TPST2: variants seen among roughly 807,000 people sequenced by gnomAD.
The protein encoded by TPST2 is protein-tyrosine sulfotransferase 2.
In TPST2, 16 loss-of-function variants were observed where a neutral mutation model predicts 27.8. That is an observed-to-expected ratio of 0.58 (90% CI 0.39 to 0.88). The LOEUF (loss-of-function observed/expected upper bound fraction) is 0.88, where lower values mean the gene tolerates loss of function less well. Among genes scored for constraint, TPST2 ranks in the 40% least tolerant of loss-of-function variants. The probability of loss-of-function intolerance (pLI) is 0.00; values close to 1 mark genes in which losing one functional copy is unlikely to be tolerated. For missense variants in TPST2, 464 were observed against 543.1 expected (o/e 0.85, Z 1.45); for synonymous variants, 229 against 231.7 (o/e 0.99, Z 0.10).
intron 1 of TPST2, among the ~76,000 whole-genome samples, chr22:26,546,244 G>A (rs1275268267): frequency 6.6e-6 from 1 of 152,050 alleles, no homozygotes; most frequent in Non-Finnish European, 1.5e-5. Context: ...AGGCCAATTA[G>A]GACATCTAAA....
intron 5 of TPST2, 51 bp downstream of exon 5, chr22:26,532,644 G>GT: frequency 6.4e-7 from 1 of 1,573,952 alleles, no homozygotes; most frequent in Non-Finnish European, 8.7e-7. Flanking sequence ...CAGCCAGATG[G>GT]TGGTATAGCT....
At chr22:26,558,120 TACACAC>T (rs71192941) in intron 1 of TPST2, among the ~76,000 whole-genome samples, 3,387 of 141,366 alleles carry the variant, frequency 0.024, 129 homozygotes, top group African/African-American at 0.076. Flanking sequence ...ATATATATAA[TACACAC>T]ACACACACAC....
intron 1 of TPST2, among the ~76,000 whole-genome samples, chr22:26,577,119 T>G (rs955386881): frequency 1.8e-5 from 2 of 110,298 alleles, no homozygotes; most frequent in African/African-American, 6.8e-5. Context: ...AAAAAGAAAA[T>G]TAAATTAGCC....
At chr22:26,532,936 A>G (rs948638987) in intron 4 of TPST2, among the ~76,000 whole-genome samples, 191 bp from the exon 5 acceptor site, 7 of 152,210 alleles carry the variant, frequency 4.6e-5, no homozygotes, top group Admixed American at 3.3e-4. Flanking sequence ...CATGATGTTA[A>G]CCAGATAATG....
At chr22:26,532,468 A>G (rs988374438) in intron 5 of TPST2, among the ~76,000 whole-genome samples, 1 of 152,062 alleles carries the variant, frequency 6.6e-6, no homozygotes. Context: ...TTTAGTAGAG[A>G]CGGGGTTTCA....
chr22:26,536,149 C>G, intron 4 of TPST2, 139 bp downstream of exon 4: 1 of 1,151,676 alleles, frequency 8.7e-7, no homozygotes, highest in Non-Finnish European at 1.3e-6. Context: ...ATGTAGTTCA[C>G]TGTGTCCATC....
chr22:26,562,272 T>C (rs1012665959), intron 1 of TPST2, among the ~76,000 whole-genome samples: 1 of 152,220 alleles, frequency 6.6e-6, no homozygotes, highest in Non-Finnish European at 1.5e-5. Flanking sequence ...GAAGGACTTA[T>C]CTGCTTCTGT....
chr22:26,544,040 T>C (rs1322850817), intron 2 of TPST2, among the ~76,000 whole-genome samples: 2 of 152,204 alleles, frequency 1.3e-5, no homozygotes, highest in Admixed American at 6.5e-5. Context: ...GTGAGGATGA[T>C]AGGTGAGGGC....
chr22:26,589,048 A>G (rs934809275), intron 1 of TPST2, among the ~76,000 whole-genome samples: 5 of 152,100 alleles, frequency 3.3e-5, no homozygotes, highest in African/African-American at 1.2e-4. Flanking sequence ...CTTCTGTAGG[A>G]TAAGTAGGAG....
At chr22:26,562,649 A>T in intron 1 of TPST2, among the ~76,000 whole-genome samples, 2 of 144,272 alleles carry the variant, frequency 1.4e-5, no homozygotes, top group African/African-American at 2.6e-5. Flanking sequence ...TTTGAGACTG[A>T]CTCTCACTAT....
chr22:26,542,166 T>C (rs1481399263), intron 2 of TPST2, among the ~76,000 whole-genome samples: 1 of 144,240 alleles, frequency 6.9e-6, no homozygotes, highest in Non-Finnish European at 1.5e-5. Flanking sequence ...GGCGTGAACC[T>C]GGGAGGCAGA....
intron 2 of TPST2, among the ~76,000 whole-genome samples, chr22:26,542,459 G>A (rs1253891712): frequency 6.6e-6 from 1 of 152,134 alleles, no homozygotes; most frequent in Non-Finnish European, 1.5e-5. Context: ...TTACAGGCAT[G>A]AGTTACCCCA....
intron 6 of TPST2, 25 bp from the exon 7 acceptor site, chr22:26,526,292 G>A (rs1012780384): frequency 2.2e-4 from 33 of 152,216 alleles, no homozygotes; most frequent in African/African-American, 7.7e-4. Flanking sequence ...GACTGTGTTA[G>A]GCTCAGAGTA....
At chr22:26,537,861 G>A (rs924983966) in intron 3 of TPST2, among the ~76,000 whole-genome samples, 1 of 152,074 alleles carries the variant, frequency 6.6e-6, no homozygotes, top group Non-Finnish European at 1.5e-5. Flanking sequence ...AAACAAATAC[G>A]CTAGTTTTTT....
At chr22:26,528,655 A>G (rs763156123) in intron 5 of TPST2, among the ~76,000 whole-genome samples, 2 of 152,184 alleles carry the variant, frequency 1.3e-5, no homozygotes, top group South Asian at 2.1e-4. Flanking sequence ...TTCCTGGCAC[A>G]TAGCTCCCCA....
chr22:26,585,549 G>A (rs1418998095), intron 1 of TPST2, among the ~76,000 whole-genome samples: 2 of 152,182 alleles, frequency 1.3e-5, no homozygotes, highest in Admixed American at 1.3e-4. Flanking sequence ...AGGGCACGGG[G>A]ACTTGCAAGC....
chr22:26,578,831 G>A (rs1927968591), intron 1 of TPST2, among the ~76,000 whole-genome samples: 1 of 151,604 alleles, frequency 6.6e-6, no homozygotes, highest in Admixed American at 6.6e-5. Context: ...AAAAGAAAAA[G>A]CTGGACCCTA....
At chr22:26,563,553 T>C (rs1927229449) in intron 1 of TPST2, among the ~76,000 whole-genome samples, 2 of 151,882 alleles carry the variant, frequency 1.3e-5, no homozygotes, top group South Asian at 4.1e-4. Flanking sequence ...ATGGTCTCAA[T>C]CTCCTGACCT....
At chr22:26,539,415 G>A (rs1925666063) in intron 3 of TPST2, among the ~76,000 whole-genome samples, 1 of 152,122 alleles carries the variant, frequency 6.6e-6, no homozygotes, top group South Asian at 2.1e-4. Flanking sequence ...ACAGAGGGAG[G>A]AAGGAAAGGA....
Sources: gnomAD v4.1 joint callset for allele counts (sites outside exome capture counted in the v4.1 genomes callset) on GRCh38, gnomAD v4.1.1 for gene constraint, MANE v1.5 for transcripts, NCBI Gene and HGNC (gene_info 2026-07-23, HGNC 2026-07-21) for gene names.